The following ARMC8 variants were observed in gnomAD, a reference collection of about 807,000 sequenced individuals.
ARMC8 encodes the protein armadillo repeat containing 8.
In ARMC8, 20 loss-of-function variants were observed where a neutral mutation model predicts 99.3. That is an observed-to-expected ratio of 0.20 (90% confidence interval 0.14 to 0.29). The LOEUF is 0.29. Ranked by LOEUF, ARMC8 falls within the 10% of genes least tolerant of loss-of-function variation. The probability of loss-of-function intolerance (pLI) is 1.00; values close to 1 mark genes in which losing one functional copy is unlikely to be tolerated. For missense variants in ARMC8, 569 were observed against 809.5 expected (o/e 0.70, Z 3.60); for synonymous variants, 263 against 278.3 (o/e 0.95, Z 0.55).
At position 138,289,094 on chromosome 3, in the gene ARMC8, C is replaced by G; in HGVS notation, c.1868C>G (p.Ser623Ter). 1 of 1,613,122 alleles carries G rather than the reference C, an allele frequency of 6.2e-7. No homozygotes were observed. Among genetic ancestry groups the G allele is most frequent in the Non-Finnish European group, 8.5e-7 (1 of 1,179,422 alleles). The stretch of plus-strand genomic sequence containing the variant: ...CAGCTTGCAGCCATGTTTTGTATAT[C>G]AAACCTCATATGGAATGAAGAGGAA... ...KLQLAAMFCI[S>*]NLIWNEEEGS... The change falls in exon 20 of 22, where the codon TCA becomes TGA. Residue 623 changes from serine (S) to a stop codon, truncating the protein, a stop_gained. Coordinates refer to ENST00000469044, the MANE Select transcript of ARMC8 (RefSeq NM_001363941.2). LOFTEE classifies it high-confidence loss of function.
In ARMC8 at chr3:138,240,057, C is replaced by G. The variant is rs182215201; in HGVS notation, c.837+529C>G. ...AAGACCAGCCCTAAAAGTCCTAAAA[C>G]CTGGATTCTGGTTTTAGCACTCCCA... On this transcript the variant is annotated intron_variant, in intron 10 of 21. Coordinates refer to ENST00000469044, the MANE Select transcript of ARMC8 (RefSeq NM_001363941.2). 6.8e-4 allele frequency among the ~76,000 whole-genome samples: 103 copies of G among 152,158 alleles called. 2 individuals carry two copies. In the East Asian group the frequency reaches 0.012, roughly 17 times the overall value.
chr3:138,230,742 C>T (rs186568185), intron 6 of ARMC8, among the ~76,000 whole-genome samples: 40 of 152,270 alleles, frequency 2.6e-4, no homozygotes, highest in African/African-American at 9.1e-4. Context: ...CAAAAGGCTA[C>T]TGAAAATTGG....
chr3:138,287,862 T>G, intron 19 of ARMC8: 1 of 297,934 alleles, frequency 3.4e-6, no homozygotes, highest in Admixed American at 4.3e-5. Flanking sequence ...TACTAGAAAT[T>G]TTTTTTATTG....
intron 12 of ARMC8, among the ~76,000 whole-genome samples, chr3:138,252,450 CTCTT>C (rs2047162020): frequency 6.8e-6 from 1 of 146,396 alleles, no homozygotes; most frequent in African/African-American, 2.6e-5. Flanking sequence ...TAACCATAAA[CTCTT>C]TTTTTTTTTT....
chr3:138,256,212 A>G (rs1030805356), intron 12 of ARMC8, among the ~76,000 whole-genome samples: 9 of 152,162 alleles, frequency 5.9e-5, no homozygotes, highest in African/African-American at 1.9e-4. Flanking sequence ...TCCTCATTCT[A>G]AAATGGAGGT....
At chr3:138,214,448 C>A (rs1275428225) in intron 2 of ARMC8, among the ~76,000 whole-genome samples, 1 of 151,452 alleles carries the variant, frequency 6.6e-6, no homozygotes, top group East Asian at 1.9e-4. Flanking sequence ...GATTAATTCT[C>A]TTAGCTCCAG....
chr3:138,226,577 G>T (rs1185250055), intron 5 of ARMC8, among the ~76,000 whole-genome samples: 1 of 152,158 alleles, frequency 6.6e-6, no homozygotes, highest in Non-Finnish European at 1.5e-5. Context: ...CTGCTCAAAG[G>T]ATCCCATAGA....
At position 138,223,628 on chromosome 3, in the gene ARMC8, G is replaced by T. The variant is rs777653017; in HGVS notation, c.338-8G>T. On this transcript the variant is annotated splice_region_variant and splice_polypyrimidine_tract_variant and intron_variant, in intron 4 of 21. Coordinates refer to ENST00000469044, the MANE Select transcript of ARMC8 (RefSeq NM_001363941.2). ...AGGATTAGTCCTAAATCTCATTTCT[G>T]TTAATAGGACTACTGTCCCCAGACC... is the stretch of plus-strand genomic sequence containing the variant. The T allele has an allele frequency of 5.6e-6, 9 of 1,613,850 alleles. No individual in the cohort carries two copies. The South Asian group carries it at 8.8e-5, about 16-fold the overall frequency.
intron 1 of ARMC8, among the ~76,000 whole-genome samples, chr3:138,203,127 A>G (rs2044171146): frequency 6.6e-6 from 1 of 152,192 alleles, no homozygotes; most frequent in African/African-American, 2.4e-5. Context: ...TATTAAAGAC[A>G]AACAAAAGGT....
chr3:138,234,849 T>C (rs1414345359), intron 6 of ARMC8, among the ~76,000 whole-genome samples, 185 bp from the exon 7 acceptor site: 1 of 152,200 alleles, frequency 6.6e-6, no homozygotes, highest in Non-Finnish European at 1.5e-5. Flanking sequence ...AGTTAAGATA[T>C]GGTAGCCCTT....
rs192337251 is a variant in ARMC8, at chr3:138,271,950, C to G, written c.1480-1017C>G. On this transcript the variant is annotated intron_variant, in intron 16 of 21. Transcript: ENST00000469044. ...AGCTGGGATTACAGGCGTGTGCCAC[C>G]ACACCTGGCTATACAAGAGATTTTT... Among the ~76,000 whole-genome samples the G allele has an allele frequency of 4.8e-3, 732 of 151,872 alleles. 27 individuals carry two copies. The South Asian group carries it at 0.082, about 17-fold the overall frequency.
intron 18 of ARMC8, among the ~76,000 whole-genome samples, chr3:138,284,011 A>G (rs1450201788): frequency 6.6e-6 from 1 of 152,188 alleles, no homozygotes; most frequent in Non-Finnish European, 1.5e-5. Flanking sequence ...CTTCCCTGGG[A>G]GGGGAGTTGC....
chr3:138,290,862 C>A (rs2050871663), intron 21 of ARMC8, among the ~76,000 whole-genome samples: 1 of 152,228 alleles, frequency 6.6e-6, no homozygotes, highest in South Asian at 2.1e-4. Context: ...TCACGTGAGT[C>A]TGGGCCATCT....
chr3:138,200,084 A>T (rs1004152831), intron 1 of ARMC8, among the ~76,000 whole-genome samples: 2 of 152,186 alleles, frequency 1.3e-5, no homozygotes, highest in African/African-American at 4.8e-5. Flanking sequence ...TTTTTTGGCT[A>T]TCTTGAAGTG....
chr3:138,214,302 T>G (rs1430397363), intron 2 of ARMC8, among the ~76,000 whole-genome samples: 1 of 152,014 alleles, frequency 6.6e-6, no homozygotes, highest in African/African-American at 2.4e-5. Flanking sequence ...TGACTAGACC[T>G]CTGGTGAATT....
At position 138,245,186 on chromosome 3, in the gene ARMC8, G is replaced by T. The variant is rs1415448336; in HGVS notation, c.1134+3G>T. On this transcript the variant is annotated splice_donor_region_variant and intron_variant, in intron 12 of 21. Transcript: ENST00000469044. The stretch of plus-strand genomic sequence containing the variant: ...ATGATGAAGACATCCGGAAGAAGGT[G>T]AGTCTGGGAGAGGGGCGTCCCCCAG... 5.0e-6 allele frequency: 8 copies of T among 1,614,106 alleles called. No individual in the cohort carries two copies. Among genetic ancestry groups the T allele is most frequent in the Non-Finnish European group, 6.8e-6 (8 of 1,180,048 alleles).
chr3:138,266,801 A>G (rs1217504615), intron 14 of ARMC8, among the ~76,000 whole-genome samples: 2 of 152,186 alleles, frequency 1.3e-5, no homozygotes, highest in African/African-American at 4.8e-5. Context: ...CTGTAGACTC[A>G]TAAGGGGCTT....
intron 12 of ARMC8, among the ~76,000 whole-genome samples, chr3:138,259,591 TTATC>T (rs766523408): frequency 5.9e-5 from 9 of 152,184 alleles, no homozygotes; most frequent in Non-Finnish European, 1.0e-4. Context: ...GGTTACTGAA[TTATC>T]TCCATTACAA....
intron 19 of ARMC8, chr3:138,288,014 A>G (rs1044915629): frequency 6.0e-6 from 1 of 168,016 alleles, no homozygotes; most frequent in Non-Finnish European, 1.3e-5. Flanking sequence ...ATTTAGAAGA[A>G]TAGGAGGCTC....
Sources: allele counts gnomAD v4.1 joint callset (sites outside exome capture counted in the v4.1 genomes callset), GRCh38; gene constraint gnomAD v4.1.1; transcripts MANE v1.5; gene names NCBI Gene and HGNC (gene_info 2026-07-23, HGNC 2026-07-21).